Variants in MAPK6 observed in about 807,000 individuals in gnomAD.
The protein encoded by MAPK6 is mitogen-activated protein kinase 6.
A neutral mutation model predicts 59.3 loss-of-function variants in MAPK6; 19 were observed. That is an observed-to-expected ratio of 0.32 (90% CI 0.22 to 0.47). The LOEUF is 0.47. Among genes scored for constraint, MAPK6 ranks in the 20% least tolerant of loss-of-function variants. The pLI, the probability that MAPK6 is intolerant of heterozygous loss-of-function variation, is 1.00. For synonymous variants in MAPK6, 316 were observed against 290.3 expected (o/e 1.09, Z -0.90); for missense variants, 724 against 847.9 (o/e 0.85, Z 1.81).
chr15:51,974,054 A>G (rs1467891692), intron 1 of MAPK6, among the ~76,000 whole-genome samples: 5 of 151,904 alleles, frequency 3.3e-5, no homozygotes, highest in Non-Finnish European at 7.4e-5. Flanking sequence ...ATCAATCACA[A>G]TCATTTTGCA....
In MAPK6 at chr15:52,065,361, A is replaced by G. The variant is rs1437600132; in HGVS notation, c.*361A>G. On this transcript the variant is annotated 3_prime_UTR_variant, in exon 6 of 6. Coordinates refer to ENST00000261845, the MANE Select transcript of MAPK6 (RefSeq NM_002748.4). ...TGTACATAATTGCATGAAAATAGCT[A>G]TTTTTTTCCTAAGACATTTTTCATT... is the stretch of plus-strand genomic sequence containing the variant. 95 of 163,376 alleles carry G rather than the reference A, an allele frequency of 5.8e-4. 1 individual carries two copies. The highest frequency in any genetic ancestry group is 2.0e-4 in the South Asian group (1 of 5,012). 10.1% of individuals were successfully genotyped at this position (163,376 alleles called of 1,614,324 possible).
At chr15:51,997,533 T>G (rs2057228225) in intron 2 of MAPK6, among the ~76,000 whole-genome samples, 1 of 151,986 alleles carries the variant, frequency 6.6e-6, no homozygotes, top group African/African-American at 2.4e-5. Context: ...GCTAGAATTG[T>G]AGGCATGAAC....
chr15:52,034,234 C>T (rs944225110), intron 1 of MAPK6, among the ~76,000 whole-genome samples: 5 of 152,196 alleles, frequency 3.3e-5, no homozygotes, highest in Non-Finnish European at 5.9e-5. Context: ...ATCCGCCCGC[C>T]TCAGCCTCCC....
intron 2 of MAPK6, among the ~76,000 whole-genome samples, chr15:51,991,148 T>TACACACACACACACAC: frequency 7.1e-6 from 1 of 140,726 alleles, no homozygotes; most frequent in Non-Finnish European, 1.5e-5. Flanking sequence ...TATATATATA[T>TACACACACACACACAC]ACACACACAC....
At position 52,064,902 on chromosome 15, in the gene MAPK6, C is replaced by T. The variant is rs552216494; in HGVS notation, c.2068C>T (p.Leu690Phe). The T allele has an allele frequency of 3.1e-6, 5 of 1,611,982 alleles. No individual in the cohort carries two copies. In the African/African-American group the frequency reaches 6.7e-5, roughly 22 times the overall value. The change falls in exon 6 of 6, where the codon CTT (leucine) becomes TTT (phenylalanine). Residue 690 changes from leucine to phenylalanine, a missense_variant. Transcript: ENST00000261845. ...PQFHSPVGSP[L>F]KSIQATLTPS... is the part of the protein sequence containing the mutation. ...GTTTCACAGTCCAGTTGGGTCACCA[C>T]TTAAGTCAATACAGGCCACATTAAC... is the stretch of plus-strand genomic sequence containing the variant.
intron 1 of MAPK6, among the ~76,000 whole-genome samples, chr15:51,978,449 C>T (rs916821709): frequency 1.1e-4 from 17 of 151,976 alleles, no homozygotes; most frequent in African/African-American, 4.1e-4. Flanking sequence ...AAAGGTAATA[C>T]GGTATCTAAA....
At chr15:52,025,381 C>A (rs542302928) in intron 1 of MAPK6, among the ~76,000 whole-genome samples, 1 of 152,356 alleles carries the variant, frequency 6.6e-6, no homozygotes, top group East Asian at 1.9e-4. Context: ...CCCAGTTGAA[C>A]TTTCTATGAT....
At chr15:51,997,923 C>CTCTTTCTTTCTTTCTTTCTTTCTTTCTT (rs201219333) in intron 2 of MAPK6, among the ~76,000 whole-genome samples, 49 of 131,226 alleles carry the variant, frequency 3.7e-4, no homozygotes, top group African/African-American at 6.6e-4. Flanking sequence ...TTCTTTCTTT[C>CTCTTTCTTTCTTTCTTTCTTTCTTTCTT]TCTTTCTTTC....
chr15:52,020,023 C>T lies in MAPK6; in HGVS notation c.-632+647C>T, dbSNP rs756686282. ...AGTCCGCCCAAGTTTTGAGTCTTGCCATGAATGAGGTACTGAAAACTCGGA... is the reference window on the plus strand; with the variant it reads ...AGTCCGCCCAAGTTTTGAGTCTTGCTATGAATGAGGTACTGAAAACTCGGA... On this transcript the variant is annotated intron_variant, in intron 1 of 5. Coordinates refer to ENST00000261845, the MANE Select transcript of MAPK6 (RefSeq NM_002748.4). The T allele has an allele frequency of 5.2e-5, 8 of 152,430 alleles. No homozygotes were observed. In the South Asian group the frequency reaches 1.4e-3, roughly 28 times the overall value. 9.4% of individuals were successfully genotyped at this position (152,430 alleles called of 1,614,324 possible). A position where few individuals can be genotyped will look rare whatever the true frequency, so the allele number is the denominator to read the frequency against.
At chr15:51,984,477 G>GT (rs2057184599) in intron 2 of MAPK6, among the ~76,000 whole-genome samples, 1 of 51,532 alleles carries the variant, frequency 1.9e-5, no homozygotes, top group Non-Finnish European at 3.8e-5. Context: ...TTTTTTTTTT[G>GT]TATTTTTAGT....
intron 1 of MAPK6, among the ~76,000 whole-genome samples, chr15:52,040,340 T>C (rs1464064509): frequency 6.6e-6 from 1 of 152,194 alleles, no homozygotes; most frequent in Non-Finnish European, 1.5e-5. Flanking sequence ...AATTACTCAC[T>C]TGACTATGGA....
chr15:52,065,199 C>T lies in MAPK6; in HGVS notation c.*199C>T, dbSNP rs906940844. The T allele has an allele frequency of 2.9e-5, 15 of 511,810 alleles. No individual in the cohort carries two copies. Among genetic ancestry groups the T allele is most frequent in the Non-Finnish European group, 5.0e-5 (15 of 301,230 alleles). 31.7% of individuals were successfully genotyped at this position (511,810 alleles called of 1,614,324 possible). A position where few individuals can be genotyped will look rare whatever the true frequency, so the allele number is the denominator to read the frequency against. On this transcript the variant is annotated 3_prime_UTR_variant, in exon 6 of 6. Coordinates refer to ENST00000261845, the MANE Select transcript of MAPK6 (RefSeq NM_002748.4). ...CATTTTAACTGGCATGTCATTTGCA[C>T]ACAAAAATAAAGACTAGAGCAAAAT...
chr15:52,032,053 T>C (rs781355508), intron 1 of MAPK6, among the ~76,000 whole-genome samples: 2 of 151,934 alleles, frequency 1.3e-5, no homozygotes, highest in Non-Finnish European at 2.9e-5. Flanking sequence ...TTTTTGTATT[T>C]TTAGTAGAGA....
chr15:52,056,060 T>C (rs1420103273), intron 3 of MAPK6, among the ~76,000 whole-genome samples: 1 of 152,170 alleles, frequency 6.6e-6, no homozygotes, highest in East Asian at 1.9e-4. Context: ...ATCTGAGTGG[T>C]TATTAATTAG....
intron 1 of MAPK6, among the ~76,000 whole-genome samples, chr15:52,025,077 C>A (rs2030714524): frequency 6.6e-6 from 1 of 151,684 alleles, no homozygotes; most frequent in Admixed American, 6.6e-5. Flanking sequence ...CCTGTCTCTA[C>A]AAAATAAAAT....
intron 1 of MAPK6, among the ~76,000 whole-genome samples, chr15:51,978,550 T>C (rs1329266051): frequency 6.6e-6 from 1 of 151,214 alleles, no homozygotes; most frequent in Non-Finnish European, 1.5e-5. Flanking sequence ...AAACTAAGAG[T>C]GATAAAGTTT....
rs756536887 is a variant in MAPK6, at chr15:52,061,507, T to C, written c.1067+7T>C. On this transcript the variant is annotated splice_region_variant and intron_variant, in intron 5 of 5. Transcript: ENST00000261845. ...ACATTTATAACTGGGAAAGGTAAAT[T>C]GATCCTAAATTAGAAAAATAATATT... The C allele has an allele frequency of 6.3e-7, 1 of 1,597,316 alleles. No homozygotes were observed. The highest frequency in any genetic ancestry group is 1.7e-5 in the Admixed American group (1 of 59,830).
At position 51,996,521 on chromosome 15, in the gene MAPK6, G is replaced by A. The variant is rs146513143; in HGVS notation, c.-769-7744G>A. 7.3e-3 allele frequency among the ~76,000 whole-genome samples: 1,082 copies of A among 148,386 alleles called. 16 individuals carry two copies. The highest frequency in any genetic ancestry group is 0.026 in the African/African-American group (1,042 of 40,188). ...AGTGATTCTCCTGCCTCAGCCTCCC[G>A]AATAGCTGGAATTACAGGCATGTGC... On this transcript the variant is annotated intron_variant, in intron 2 of 7. Coordinates refer to the MAPK6 transcript ENST00000691380.
intron 1 of MAPK6, among the ~76,000 whole-genome samples, chr15:52,040,235 G>A (rs61320858): frequency 0.072 from 10,950 of 152,276 alleles, 774 homozygotes; most frequent in East Asian, 0.39. Flanking sequence ...ATAGCCCTAG[G>A]TGAATATAAG....
Sources: allele counts gnomAD v4.1 joint callset (sites outside exome capture counted in the v4.1 genomes callset), GRCh38; gene constraint gnomAD v4.1.1; transcripts MANE v1.5; gene names NCBI Gene and HGNC (gene_info 2026-07-23, HGNC 2026-07-21).